The following INIP variants were observed in gnomAD, a reference collection of about 807,000 sequenced individuals.
The protein encoded by INIP is SOSS complex subunit C.
In INIP, 9 loss-of-function variants were observed where a neutral mutation model predicts 14.0. That is an observed-to-expected ratio of 0.64 (90% confidence interval 0.39 to 1.12). INIP has a LOEUF of 1.12. INIP is among the 50% of genes most tolerant of loss of function. The probability of loss-of-function intolerance (pLI) is 0.01; values close to 1 mark genes in which losing one functional copy is unlikely to be tolerated. For missense variants in INIP, 78 were observed against 122.7 expected (o/e 0.64, Z 1.72); for synonymous variants, 37 against 41.5 (o/e 0.89, Z 0.41).
intron 2 of INIP, among the ~76,000 whole-genome samples, chr9:112,699,968 G>C (rs1039187026): frequency 1.3e-5 from 2 of 152,050 alleles, no homozygotes; most frequent in African/African-American, 4.8e-5. Flanking sequence ...TAAGTAGTCA[G>C]GTCCAAACAA....
At chr9:112,689,755 T>C (rs1313974717) in intron 3 of INIP, 138 bp from the exon 4 acceptor site, 2 of 604,148 alleles carry the variant, frequency 3.3e-6, no homozygotes, top group Non-Finnish European at 5.9e-6. Context: ...GTGTACAATA[T>C]GATGTTTTAG....
chr9:112,687,774 G>C lies in INIP; in HGVS notation c.220-141C>G, dbSNP rs1837729726. On this transcript the variant is annotated intron_variant, in intron 4 of 4. Coordinates refer to ENST00000374242, the MANE Select transcript of INIP (RefSeq NM_021218.3). ...TCATTTATTTTTCATTGTTATTGCT[G>C]AGATGGAATTTATTTTAAAATCAGT... The C allele has an allele frequency of 2.2e-5, 11 of 509,336 alleles. No homozygotes were observed. In the South Asian group the frequency reaches 3.7e-4, roughly 17 times the overall value. 31.6% of individuals were successfully genotyped at this position (509,336 alleles called of 1,614,324 possible). A position where few individuals can be genotyped will look rare whatever the true frequency, so the allele number is the denominator to read the frequency against.
intron 3 of INIP, among the ~76,000 whole-genome samples, chr9:112,693,124 T>C (rs1265414925): frequency 6.6e-6 from 1 of 152,108 alleles, no homozygotes; most frequent in Non-Finnish European, 1.5e-5. Context: ...CTAAACAGTT[T>C]GTTAAAAGTC....
chr9:112,695,794 G>GGGA lies in INIP; in HGVS notation c.26-1564_26-1562dup, dbSNP rs138360534. 4.2e-5 allele frequency among the ~76,000 whole-genome samples: 6 copies of GGGA among 142,712 alleles called. No individual in the cohort carries two copies. In the East Asian group the frequency reaches 1.3e-3, roughly 32 times the overall value. The allele number at this position is 142,712 out of a possible 152,430, so 93.6% of individuals were successfully genotyped here. ...GGAGAGGAGGAGGGGGAGGGGGAGG[G>GGGA]GGAGGAGGAGGAGGAGAAGAAGAAG... is the stretch of plus-strand genomic sequence containing the variant. On this transcript the variant is annotated intron_variant, in intron 2 of 4. Coordinates refer to ENST00000374242, the MANE Select transcript of INIP (RefSeq NM_021218.3).
Position 112,704,765 on chromosome 9 carries a change from T to C in INIP, c.26-10532A>G, listed in dbSNP as rs918144824. ...GAAAAATTACTATAATTCTGGAAAG[T>C]ATAGAAATAGAAATCTGGAAGAGTA... On this transcript the variant is annotated intron_variant, in intron 2 of 4. Coordinates refer to ENST00000374242, the MANE Select transcript of INIP (RefSeq NM_021218.3). Among the ~76,000 whole-genome samples, 9 of 151,878 alleles carry C rather than the reference T, an allele frequency of 5.9e-5. No homozygotes were observed. The East Asian group carries it at 9.6e-4, about 16-fold the overall frequency.
Position 112,687,683 on chromosome 9 carries a change from C to T in INIP, c.220-50G>A, listed in dbSNP as rs765894291. ...GCAATTAAGCTATTAAATAGAGTCA[C>T]AATTCTTCGACCAAGGCATTAAAAT... is the stretch of plus-strand genomic sequence containing the variant. On this transcript the variant is annotated intron_variant, in intron 4 of 4. Coordinates refer to ENST00000374242, the MANE Select transcript of INIP (RefSeq NM_021218.3). 2.8e-6 allele frequency: 3 copies of T among 1,074,880 alleles called. No homozygotes were observed. The South Asian group carries it at 5.2e-5, about 19-fold the overall frequency. The allele number at this position is 1,074,880 out of a possible 1,614,324, so 66.6% of individuals were successfully genotyped here.
rs79939849 is a variant in INIP at position 112,685,246 on chromosome 9, C to A, written c.*2292G>T. On this transcript the variant is annotated 3_prime_UTR_variant, in exon 5 of 5. Transcript: ENST00000374242. ...GCATGCACCAGCACACCTAGCCAAT[C>A]TTTTTTTTTTTTTTTTAATTTTTTA... The A allele has an allele frequency of 7.1e-6, 1 of 140,602 alleles. No individual in the cohort carries two copies. The highest frequency in any genetic ancestry group is 2.6e-5 in the African/African-American group (1 of 38,330). The allele number at this position is 140,602 out of a possible 1,614,324, so 8.7% of individuals were successfully genotyped here.
chr9:112,706,119 A>G (rs1358007637), intron 2 of INIP, among the ~76,000 whole-genome samples: 2 of 152,244 alleles, frequency 1.3e-5, no homozygotes, highest in African/African-American at 4.8e-5. Flanking sequence ...GCCATTGATC[A>G]TTAGAGAAAT....
rs56743843 is a variant in INIP, at chr9:112,715,811, C to G, written c.25+650G>C. ...AAAGTATTTTATTTATATCTTTATT[C>G]TAAAAGTTTTCTATTTTTAAAATTT... On this transcript the variant is annotated intron_variant, in intron 2 of 4. Coordinates refer to ENST00000374242, the MANE Select transcript of INIP (RefSeq NM_021218.3). Among the ~76,000 whole-genome samples the G allele has an allele frequency of 2.0e-5, 3 of 151,000 alleles. No individual in the cohort carries two copies. In the East Asian group the frequency reaches 5.8e-4, roughly 29 times the overall value.
intron 3 of INIP, among the ~76,000 whole-genome samples, 177 bp from the exon 4 acceptor site, chr9:112,689,794 T>G (rs1837815396): frequency 6.6e-6 from 1 of 152,230 alleles, no homozygotes; most frequent in South Asian, 2.1e-4. Flanking sequence ...AATGGTTAAA[T>G]CAAGCTAATT....
intron 4 of INIP, among the ~76,000 whole-genome samples, chr9:112,688,018 GGAGCTTGCAGTGAGCA>G (rs1564219400): frequency 6.6e-6 from 1 of 152,004 alleles, no homozygotes; most frequent in African/African-American, 2.4e-5. Context: ...CCTGGGAGGT[GGAGCTTGCAGTGAGCA>G]GAGCTCGCAC....
chr9:112,701,111 C>T (rs1191348846), intron 2 of INIP, among the ~76,000 whole-genome samples: 1 of 152,072 alleles, frequency 6.6e-6, no homozygotes, highest in South Asian at 2.1e-4. Context: ...AGTTCGAGAC[C>T]AGCCTGGGCA....
chr9:112,714,279 G>A (rs1204075937), intron 2 of INIP, among the ~76,000 whole-genome samples: 1 of 152,062 alleles, frequency 6.6e-6, no homozygotes, highest in East Asian at 1.9e-4. Context: ...AAAAAAATCA[G>A]AACAGAGATG....
intron 2 of INIP, among the ~76,000 whole-genome samples, chr9:112,710,335 GA>G (rs1269107733): frequency 6.6e-6 from 1 of 151,920 alleles, no homozygotes; most frequent in Non-Finnish European, 1.5e-5. Flanking sequence ...CTGTAAAATT[GA>G]AAAAAATAAA....
At chr9:112,717,131 G>A (rs1161134471) in intron 1 of INIP, among the ~76,000 whole-genome samples, 1 of 152,102 alleles carries the variant, frequency 6.6e-6, no homozygotes, top group East Asian at 1.9e-4. Context: ...TCATTAGGTT[G>A]TATTTACCAA....
At chr9:112,691,623 C>T (rs115450956) in intron 3 of INIP, among the ~76,000 whole-genome samples, 1,763 of 152,342 alleles carry the variant, frequency 0.012, 34 homozygotes, top group African/African-American at 0.04. Flanking sequence ...ATTCAAGGGA[C>T]AAATAGAGAA....
At chr9:112,696,969 AT>A in intron 2 of INIP, among the ~76,000 whole-genome samples, 1 of 152,260 alleles carries the variant, frequency 6.6e-6, no homozygotes, top group Non-Finnish European at 1.5e-5. Context: ...TGGAGGCTCC[AT>A]TACATAGGCA....
At chr9:112,702,302 G>A (rs1165082503) in intron 2 of INIP, among the ~76,000 whole-genome samples, 1 of 152,006 alleles carries the variant, frequency 6.6e-6, no homozygotes, top group Non-Finnish European at 1.5e-5. Flanking sequence ...AGCCAACAAT[G>A]GAAAAAGCAT....
intron 2 of INIP, among the ~76,000 whole-genome samples, chr9:112,695,841 G>A (rs10981481): frequency 5.3e-5 from 6 of 114,046 alleles, no homozygotes; most frequent in African/African-American, 1.9e-4. Context: ...GGAGAAGAAG[G>A]AGAAGAAGAA....
Sources: allele counts gnomAD v4.1 joint callset (sites outside exome capture counted in the v4.1 genomes callset), GRCh38; gene constraint gnomAD v4.1.1; transcripts MANE v1.5; gene names NCBI Gene and HGNC (gene_info 2026-07-23, HGNC 2026-07-21).